Variants in COL8A1 observed in about 807,000 individuals in gnomAD.
COL8A1 encodes the protein collagen type VIII alpha 1 chain, also known as collagen alpha-1(VIII) chain.
Under a neutral mutation model 42.7 loss-of-function variants are expected in COL8A1, and 21 were observed. The observed-to-expected ratio is 0.49, with a 90% confidence interval of 0.35 to 0.71. The LOEUF (loss-of-function observed/expected upper bound fraction) is 0.71, where lower values mean the gene tolerates loss of function less well. Ranked by LOEUF, COL8A1 falls within the 30% of genes least tolerant of loss-of-function variation. The probability of loss-of-function intolerance (pLI) is 0.01; values close to 1 mark genes in which losing one functional copy is unlikely to be tolerated. For missense variants in COL8A1, 788 were observed against 962.4 expected (o/e 0.82, Z 2.40); for synonymous variants, 367 against 369.1 (o/e 0.99, Z 0.06).
intron 1 of COL8A1, among the ~76,000 whole-genome samples, chr3:99,686,895 A>G (rs1317520204): frequency 6.6e-6 from 1 of 152,078 alleles, no homozygotes; most frequent in East Asian, 1.9e-4. Flanking sequence ...TTTGAGACAG[A>G]GTCTCACTCT....
At chr3:99,718,767 A>AAG (rs1940071816) in intron 1 of COL8A1, among the ~76,000 whole-genome samples, 1 of 152,108 alleles carries the variant, frequency 6.6e-6, no homozygotes, top group African/African-American at 2.4e-5. Context: ...TAGTTTAAAA[A>AAG]AATAAAATTC....
At chr3:99,761,987 G>A (rs1576466848) in intron 2 of COL8A1, among the ~76,000 whole-genome samples, 3 of 152,150 alleles carry the variant, frequency 2.0e-5, no homozygotes, top group Admixed American at 1.3e-4. Flanking sequence ...ACAGAGAGGC[G>A]ATACATACCA....
intron 2 of COL8A1, among the ~76,000 whole-genome samples, chr3:99,747,980 A>G (rs1046304467): frequency 6.6e-6 from 1 of 152,234 alleles, no homozygotes; most frequent in African/African-American, 2.4e-5. Flanking sequence ...AATCTACAAC[A>G]AAAGAGCTAA....
rs572015884 is a variant in COL8A1 at position 99,726,324 on chromosome 3, T to A, written c.-128-18573T>A. ...TTCTGGATATTAGCCCTTTGTCATATGAGTAGGTTGTGAAAATTTTCTCCC... is the reference window on the plus strand; with the variant it reads ...TTCTGGATATTAGCCCTTTGTCATAAGAGTAGGTTGTGAAAATTTTCTCCC... On this transcript the variant is annotated intron_variant, in intron 1 of 3. Transcript: ENST00000652472. 6.4e-4 allele frequency among the ~76,000 whole-genome samples: 98 copies of A among 152,052 alleles called. 1 individual carries two copies. In the East Asian group the frequency reaches 0.013, roughly 21 times the overall value.
intron 2 of COL8A1, among the ~76,000 whole-genome samples, chr3:99,759,795 T>C (rs1941331941): frequency 6.6e-6 from 1 of 152,178 alleles, no homozygotes; most frequent in South Asian, 2.1e-4. Flanking sequence ...TGTGCCAAAC[T>C]CATTGATTGT....
intron 2 of COL8A1, among the ~76,000 whole-genome samples, chr3:99,766,506 T>C (rs551214273): frequency 1.0e-3 from 155 of 152,372 alleles, no homozygotes; most frequent in African/African-American, 3.4e-3. Flanking sequence ...TCCTCATTAA[T>C]ATAATCCTTT....
At chr3:99,704,456 C>G (rs1181145089) in intron 1 of COL8A1, among the ~76,000 whole-genome samples, 1 of 151,592 alleles carries the variant, frequency 6.6e-6, no homozygotes, top group Non-Finnish European at 1.5e-5. Context: ...TACATGTGCA[C>G]AACATGCAGG....
intron 1 of COL8A1, among the ~76,000 whole-genome samples, chr3:99,708,505 C>T (rs1343200336): frequency 6.6e-6 from 1 of 152,102 alleles, no homozygotes; most frequent in East Asian, 1.9e-4. Flanking sequence ...ATAAAACCTT[C>T]CACCCGAGGC....
chr3:99,697,000 T>G (rs1460935152), intron 1 of COL8A1, among the ~76,000 whole-genome samples: 3 of 124,554 alleles, frequency 2.4e-5, no homozygotes, highest in Non-Finnish European at 3.3e-5. Context: ...TTTTTTTTTT[T>G]TTTTGAGACG....
intron 1 of COL8A1, among the ~76,000 whole-genome samples, chr3:99,696,410 T>C (rs537852143): frequency 2.0e-5 from 3 of 152,154 alleles, no homozygotes; most frequent in Admixed American, 2.0e-4. Flanking sequence ...TAGGGGCCCC[T>C]ACCAGGAGAA....
intron 1 of COL8A1, among the ~76,000 whole-genome samples, chr3:99,644,193 G>T (rs1483427930): frequency 6.6e-6 from 1 of 152,078 alleles, no homozygotes; most frequent in East Asian, 1.9e-4. Flanking sequence ...TTTGAGTCAG[G>T]GTTCTTTAAA....
chr3:99,694,431 G>A (rs916281627), intron 1 of COL8A1, among the ~76,000 whole-genome samples: 3 of 151,522 alleles, frequency 2.0e-5, no homozygotes, highest in Non-Finnish European at 4.4e-5. Context: ...AGCCGAGATC[G>A]CACCACTCCA....
At chr3:99,659,893 C>T (rs550956076) in intron 1 of COL8A1, among the ~76,000 whole-genome samples, 3 of 152,258 alleles carry the variant, frequency 2.0e-5, no homozygotes, top group African/African-American at 7.2e-5. Context: ...CTTAAATTCC[C>T]TATGAACCAG....
chr3:99,751,616 A>T (rs1190562726), intron 2 of COL8A1, among the ~76,000 whole-genome samples: 4 of 152,218 alleles, frequency 2.6e-5, no homozygotes, highest in Admixed American at 6.5e-5. Context: ...TATCTTAAAG[A>T]ATCCAGAAAC....
chr3:99,642,422 G>C (rs974985839), intron 1 of COL8A1, among the ~76,000 whole-genome samples: 1 of 152,094 alleles, frequency 6.6e-6, no homozygotes, highest in Non-Finnish European at 1.5e-5. Flanking sequence ...AAAACAAAAA[G>C]TGTTCACCAA....
chr3:99,781,496 T>C (rs951921988), intron 2 of COL8A1, among the ~76,000 whole-genome samples: 17 of 152,172 alleles, frequency 1.1e-4, no homozygotes, highest in African/African-American at 4.1e-4. Flanking sequence ...ACTTCAACAA[T>C]TGGATCCCCA....
At position 99,684,097 on chromosome 3, in the gene COL8A1, C is replaced by T. The variant is rs556790987; in HGVS notation, c.-129+45433C>T. ...CTCAGTGCTCTCGGGTCTGAAATCC[C>T]ATGATGTTCTGGACTTGTTTAGGCC... is the stretch of plus-strand genomic sequence containing the variant. On this transcript the variant is annotated intron_variant, in intron 1 of 3. Coordinates refer to ENST00000652472, the MANE Select transcript of COL8A1 (RefSeq NM_020351.4). Among the ~76,000 whole-genome samples the T allele has an allele frequency of 4.6e-5, 7 of 152,194 alleles. No homozygotes were observed. In the East Asian group the frequency reaches 1.2e-3, roughly 25 times the overall value.
chr3:99,765,531 C>A (rs1381292202), intron 2 of COL8A1, among the ~76,000 whole-genome samples: 1 of 152,214 alleles, frequency 6.6e-6, no homozygotes, highest in Admixed American at 6.5e-5. Context: ...CAAATTCCTT[C>A]TTTTGTGATG....
chr3:99,693,916 A>AACTTTTATACCGTATTTTTAC (rs1191171432), intron 1 of COL8A1, among the ~76,000 whole-genome samples: 5 of 152,172 alleles, frequency 3.3e-5, no homozygotes, highest in Non-Finnish European at 7.3e-5. Context: ...ACTATTTTTA[A>AACTTTTATACCGTATTTTTAC]ACTTTTATAC....
Sources: allele counts gnomAD v4.1 joint callset (sites outside exome capture counted in the v4.1 genomes callset), GRCh38; gene constraint gnomAD v4.1.1; transcripts MANE v1.5; gene names NCBI Gene and HGNC (gene_info 2026-07-23, HGNC 2026-07-21).